The following BBS4 variants were observed in gnomAD, a reference collection of about 807,000 sequenced individuals.
The protein encoded by BBS4 is Bardet-Biedl syndrome 4, also known as BBSome complex member BBS4.
A neutral mutation model predicts 71.4 loss-of-function variants in BBS4; 58 were observed. The observed-to-expected ratio is 0.81, with a 90% CI of 0.66 to 1.01. BBS4 has a LOEUF of 1.01. Among genes scored for constraint, BBS4 ranks in the 50% least tolerant of loss-of-function variants. The pLI is 0.00. For synonymous variants in BBS4, 228 were observed against 216.8 expected, an observed-to-expected ratio of 1.05 and a Z score of -0.46; for missense variants, 660 against 607.9, an observed-to-expected ratio of 1.09 and a Z score of -0.90.
chr15:72,729,226 C>T (rs1264407201), intron 9 of BBS4, among the ~76,000 whole-genome samples: 32 of 46,938 alleles, frequency 6.8e-4, no homozygotes, highest in Admixed American at 2.0e-3. Flanking sequence ...CATTTCTGTT[C>T]TGGGTGAGGT....
At chr15:72,691,676 A>T (rs2064985928) in intron 1 of BBS4, among the ~76,000 whole-genome samples, 1 of 152,224 alleles carries the variant, frequency 6.6e-6, no homozygotes, top group Non-Finnish European at 1.5e-5. Flanking sequence ...TATTAAAAAC[A>T]ATGCTGCTGC....
In BBS4 at chr15:72,689,695, A is replaced by C. The variant is rs574580008; in HGVS notation, c.24+3444A>C. Among the ~76,000 whole-genome samples the C allele has an allele frequency of 2.1e-5, 3 of 141,822 alleles. No homozygotes were observed. In the South Asian group the frequency reaches 7.4e-4, roughly 35 times the overall value. The allele number at this position is 141,822 out of a possible 152,430, so 93.0% of individuals were successfully genotyped here. A position where few individuals can be genotyped will look rare whatever the true frequency, so the allele number is the denominator to read the frequency against. On this transcript the variant is annotated intron_variant, in intron 1 of 15. Coordinates refer to ENST00000268057, the MANE Select transcript of BBS4 (RefSeq NM_033028.5). The stretch of plus-strand genomic sequence containing the variant: ...CATGATCATGCCACTGGACTCCAGC[A>C]GGGGCAGAGTGAGACTTTGTCTGAA...
intron 12 of BBS4, among the ~76,000 whole-genome samples, chr15:72,734,360 G>A (rs1013139628): frequency 1.3e-4 from 20 of 152,348 alleles, no homozygotes; most frequent in African/African-American, 4.3e-4. Context: ...GAATAGCACA[G>A]AATGGCTGAG....
At position 72,737,803 on chromosome 15, in the gene BBS4, T is replaced by A; in HGVS notation, c.*216T>A. 1.7e-6 allele frequency: 1 copy of A among 578,452 alleles called. No individual in the cohort carries two copies. The highest frequency in any genetic ancestry group is 3.3e-6 in the Non-Finnish European group (1 of 307,474). 35.8% of individuals were successfully genotyped at this position (578,452 alleles called of 1,614,324 possible). On this transcript the variant is annotated 3_prime_UTR_variant, in exon 16 of 16. Transcript: ENST00000268057. ...CTACTGCCCCATAAGCCAGGAAAAG[T>A]GAAAAGAGAACACAGTTCCTTTAAG...
Position 72,694,745 on chromosome 15 carries a change from A to G in BBS4, c.25-432A>G, listed in dbSNP as rs1201867607. Among the ~76,000 whole-genome samples, 3 of 152,162 alleles carry G rather than the reference A, an allele frequency of 2.0e-5. No individual in the cohort carries two copies. The East Asian group carries it at 5.8e-4, about 29-fold the overall frequency. The stretch of plus-strand genomic sequence containing the variant: ...TATGAGGTTATAGTGGAAAATAACT[A>G]TCTCCCTTTTAGAATTGAGTGCTAG... On this transcript the variant is annotated intron_variant, in intron 1 of 15. Coordinates refer to ENST00000268057, the MANE Select transcript of BBS4 (RefSeq NM_033028.5).
At position 72,694,193 on chromosome 15, in the gene BBS4, C is replaced by CT. The variant is rs34852416; in HGVS notation, c.25-969dup. ...AGGCACGGCGTCTGGCCTTTCTTTC[C>CT]TTTTTTTTTTTTTTTGAGACGTAGT... On this transcript the variant is annotated intron_variant, in intron 1 of 15. Transcript: ENST00000268057. Among the ~76,000 whole-genome samples the CT allele has an allele frequency of 1.4e-3, 186 of 135,402 alleles. 2 individuals are homozygous for CT. Among genetic ancestry groups the CT allele is most frequent in the African/African-American group, 4.7e-3 (172 of 36,970 alleles). The allele number at this position is 135,402 out of a possible 152,430, so 88.8% of individuals were successfully genotyped here. A position where few individuals can be genotyped will look rare whatever the true frequency, so the allele number is the denominator to read the frequency against.
chr15:72,706,635 G>A (rs116340486), intron 2 of BBS4, among the ~76,000 whole-genome samples: 256 of 152,222 alleles, frequency 1.7e-3, no homozygotes, highest in African/African-American at 5.8e-3. Flanking sequence ...ATTTCAGATC[G>A]GCCCCAACGA....
chr15:72,686,547 G>C, intron 1 of BBS4: 1 of 1,474,598 alleles, frequency 6.8e-7, no homozygotes, highest in African/African-American at 1.4e-5. Flanking sequence ...ATCTTTTTCT[G>C]TCTCGGGGGT....
rs759249936 is a variant in BBS4 at position 72,712,235 on chromosome 15, C to G, written c.157-9C>G. ...CCACTGCTCAGAAGCATTTTTCTCC[C>G]TCTTTCAGGCTGTTATCAAAGAACA... On this transcript the variant is annotated splice_polypyrimidine_tract_variant and intron_variant, in intron 3 of 15. Transcript: ENST00000268057. 1.9e-6 allele frequency: 3 copies of G among 1,613,440 alleles called. No individual in the cohort carries two copies. In the South Asian group the frequency reaches 3.3e-5, roughly 18 times the overall value.
chr15:72,701,357 T>C (rs2065165430), intron 2 of BBS4, among the ~76,000 whole-genome samples: 1 of 152,216 alleles, frequency 6.6e-6, no homozygotes, highest in Non-Finnish European at 1.5e-5. Context: ...CTAAGTCTAT[T>C]CATTTTATAC....
chr15:72,715,369 G>C lies in BBS4; in HGVS notation c.299G>C (p.Ser100Thr). The C allele has an allele frequency of 6.2e-7, 1 of 1,614,052 alleles. No homozygotes were observed. Among genetic ancestry groups the C allele is most frequent in the East Asian group, 2.2e-5 (1 of 44,888 alleles). ...ACATGTGCAGTTCTTAGTCCTCAGA[G>C]TGCTGATAACCTCAAGCAGGTGGCC... is the stretch of plus-strand genomic sequence containing the variant. ...FQTCAVLSPQ[S>T]ADNLKQVARS... The change falls in exon 5 of 16, where the codon AGT becomes ACT. Residue 100 changes from serine (S) to threonine (T), a missense_variant. Physicochemically the swap from Ser to Thr is moderately conservative, Grantham distance 58 (BLOSUM62 1). Coordinates refer to ENST00000268057, the MANE Select transcript of BBS4 (RefSeq NM_033028.5).
chr15:72,692,546 C>T (rs2065005236), intron 1 of BBS4, among the ~76,000 whole-genome samples: 2 of 151,916 alleles, frequency 1.3e-5, no homozygotes, highest in South Asian at 2.1e-4. Flanking sequence ...CTCCTGAACT[C>T]AAGCAATCGG....
rs563263266 is a variant in BBS4 at position 72,712,013 on chromosome 15, A to G, written c.157-231A>G. On this transcript the variant is annotated intron_variant, in intron 3 of 15. Transcript: ENST00000268057. ...CTCCTGAGTAGCTGGGATTACAGACACGCACCACTACTGCCCGGCTAATTT... is the reference window on the plus strand; with the variant it reads ...CTCCTGAGTAGCTGGGATTACAGACGCGCACCACTACTGCCCGGCTAATTT... Among the ~76,000 whole-genome samples the G allele has an allele frequency of 3.9e-5, 6 of 152,078 alleles. No homozygotes were observed. The South Asian group carries it at 1.0e-3, about 26-fold the overall frequency.
At chr15:72,722,415 G>A (rs905853171) in intron 6 of BBS4, among the ~76,000 whole-genome samples, 1 of 152,226 alleles carries the variant, frequency 6.6e-6, no homozygotes, top group Non-Finnish European at 1.5e-5. Flanking sequence ...GGGCGGAAAT[G>A]TGTGGCTAGC....
chr15:72,728,061 G>C (rs1261996360), intron 9 of BBS4, 67 bp downstream of exon 9: 7 of 1,131,132 alleles, frequency 6.2e-6, no homozygotes, highest in Middle Eastern at 2.0e-4. Flanking sequence ...TGTGTATGGT[G>C]GTTTTCCTGC....
chr15:72,703,954 G>A (rs1381934146), intron 2 of BBS4, among the ~76,000 whole-genome samples: 2 of 152,078 alleles, frequency 1.3e-5, no homozygotes, highest in Non-Finnish European at 2.9e-5. Context: ...TAGCACCTAG[G>A]GCAAACTACA....
rs577738689 is a variant in BBS4 at position 72,731,599 on chromosome 15, T to C, written c.909T>C (p.Asp303=). The change falls in exon 12 of 16, where the codon GAT becomes GAC. Residue 303 remains aspartate (D), a synonymous_variant. Transcript: ENST00000268057. ...GAGCCAACTACTTGGCACCCTTTGA[T>C]TGGAAGATTCTGTATAATTTGGGCC... The part of the protein sequence containing the change: ...LKRANYLAPF[D]WKILYNLGLV... The C allele has an allele frequency of 3.1e-6, 5 of 1,614,214 alleles. No homozygotes were observed. The highest frequency in any genetic ancestry group is 1.3e-5 in the African/African-American group (1 of 75,050).
intron 1 of BBS4, among the ~76,000 whole-genome samples, chr15:72,691,076 T>G (rs2064974945): frequency 6.6e-6 from 1 of 152,134 alleles, no homozygotes; most frequent in South Asian, 2.1e-4. Context: ...AGCCCCTCAT[T>G]TGGGCTCAAG....
At chr15:72,710,357 T>A (rs761125755) in intron 3 of BBS4, among the ~76,000 whole-genome samples, 3 of 152,028 alleles carry the variant, frequency 2.0e-5, no homozygotes, top group Admixed American at 6.6e-5. Flanking sequence ...AGTGTCACCA[T>A]GCCCAGCTAA....
Sources: gnomAD v4.1 joint callset for allele counts (sites outside exome capture counted in the v4.1 genomes callset) on GRCh38, gnomAD v4.1.1 for gene constraint, MANE v1.5 for transcripts, NCBI Gene and HGNC (gene_info 2026-07-23, HGNC 2026-07-21) for gene names.